CDH20: variants seen among roughly 807,000 people sequenced by gnomAD.
The protein encoded by CDH20 is cadherin-20.
Under a neutral mutation model 74.2 loss-of-function variants are expected in CDH20, and 29 were observed. The ratio of observed to expected loss-of-function variants is 0.39; its 90% confidence interval spans 0.29 to 0.53. The LOEUF (loss-of-function observed/expected upper bound fraction) is 0.53. Ranked by LOEUF, CDH20 falls within the 20% of genes least tolerant of loss-of-function variation. The pLI is 0.69. For missense variants in CDH20, 988 were observed against 1,048.3 expected, an observed-to-expected ratio of 0.94 and a Z score of 0.79; for synonymous variants, 469 against 405.4, an observed-to-expected ratio of 1.16 and a Z score of -1.88.
chr18:61,429,924 C>T (rs1913197480), intron 1 of CDH20, among the ~76,000 whole-genome samples: 1 of 152,178 alleles, frequency 6.6e-6, no homozygotes, highest in Non-Finnish European at 1.5e-5. Context: ...CTGTAAGCAT[C>T]CTGACACTTT....
intron 1 of CDH20, among the ~76,000 whole-genome samples, chr18:61,368,307 C>T (rs2144149555): frequency 6.6e-6 from 1 of 151,992 alleles, no homozygotes; most frequent in African/African-American, 2.4e-5. Context: ...ACTGATCATA[C>T]TCACTGTCTC....
chr18:61,400,067 G>T (rs950778421), intron 1 of CDH20, among the ~76,000 whole-genome samples: 1 of 152,148 alleles, frequency 6.6e-6, no homozygotes, highest in Non-Finnish European at 1.5e-5. Context: ...AAAAGTCTTT[G>T]TTGGTCTTAA....
At chr18:61,449,763 A>C (rs192299101) in intron 1 of CDH20, among the ~76,000 whole-genome samples, 2 of 150,644 alleles carry the variant, frequency 1.3e-5, no homozygotes, top group Non-Finnish European at 3.0e-5. Flanking sequence ...AATAGAAAAA[A>C]ATATATATAT....
Position 61,507,431 on chromosome 18 carries a change from G to A in CDH20, c.888G>A (p.Val296=). The part of the protein sequence containing the change: ...SAPISSTVGR[V]FAKDLDEGIN... ...CAATTAGCTCCACTGTCGGGAGAGT[G>A]TTTGCCAAGGACTTGGATGAAGGCA... Residue 296 remains valine, a synonymous_variant, in exon 6 of 12, where the codon GTG becomes GTA. Transcript: ENST00000262717. 6.2e-7 allele frequency: 1 copy of A among 1,614,098 alleles called. No homozygotes were observed. Among genetic ancestry groups the A allele is most frequent in the South Asian group, 1.1e-5 (1 of 91,078 alleles).
intron 1 of CDH20, among the ~76,000 whole-genome samples, chr18:61,472,303 C>T (rs922365738): frequency 2.0e-5 from 3 of 152,010 alleles, no homozygotes; most frequent in African/African-American, 2.4e-5. Context: ...CCCCGAGAGA[C>T]GTGCTCAAAC....
chr18:61,534,492 C>T (rs1295922571), intron 7 of CDH20, among the ~76,000 whole-genome samples: 2 of 152,200 alleles, frequency 1.3e-5, no homozygotes, highest in African/African-American at 4.8e-5. Context: ...TGCCCATCAA[C>T]AGATGAATGG....
intron 1 of CDH20, among the ~76,000 whole-genome samples, chr18:61,360,680 C>T (rs532145635): frequency 2.0e-5 from 3 of 152,274 alleles, no homozygotes; most frequent in African/African-American, 7.2e-5. Context: ...CAATAATTTA[C>T]CTGGTAACTA....
At chr18:61,349,450 G>A (rs775471197) in intron 1 of CDH20, among the ~76,000 whole-genome samples, 58 of 152,254 alleles carry the variant, frequency 3.8e-4, no homozygotes, top group Non-Finnish European at 4.6e-4. Flanking sequence ...TAATTTAGAA[G>A]GAATTTAAGT....
At chr18:61,458,117 T>G (rs1429415559) in intron 1 of CDH20, among the ~76,000 whole-genome samples, 2 of 152,206 alleles carry the variant, frequency 1.3e-5, no homozygotes, top group African/African-American at 4.8e-5. Flanking sequence ...GTTGTCTGCC[T>G]GAGTCTTGCT....
intron 7 of CDH20, among the ~76,000 whole-genome samples, chr18:61,530,511 C>CA (rs1254362758): frequency 2.6e-5 from 4 of 151,906 alleles, no homozygotes; most frequent in Non-Finnish European, 5.9e-5. Context: ...TCAAATAATT[C>CA]AAAAAATCAA....
intron 1 of CDH20, among the ~76,000 whole-genome samples, chr18:61,400,016 C>T (rs1682867252): frequency 6.6e-6 from 1 of 152,140 alleles, no homozygotes; most frequent in South Asian, 2.1e-4. Flanking sequence ...TTCTTTTCCT[C>T]CTTACCTTAG....
intron 1 of CDH20, among the ~76,000 whole-genome samples, chr18:61,409,184 T>C (rs575757526): frequency 6.6e-6 from 1 of 152,348 alleles, no homozygotes; most frequent in African/African-American, 2.4e-5. Context: ...AGAAATGTTT[T>C]CATTAATACA....
At chr18:61,522,748 A>G (rs1341500166) in intron 6 of CDH20, among the ~76,000 whole-genome samples, 1 of 152,218 alleles carries the variant, frequency 6.6e-6, no homozygotes, top group Non-Finnish European at 1.5e-5. Context: ...CAGAAGCCTC[A>G]GAAGTAATGC....
At chr18:61,491,179 G>T (rs532200692) in intron 2 of CDH20, among the ~76,000 whole-genome samples, 34 of 152,090 alleles carry the variant, frequency 2.2e-4, no homozygotes, top group African/African-American at 6.7e-4. Flanking sequence ...TTTTTGTGGG[G>T]TTTTTTTCAG....
At chr18:61,545,884 T>G (rs936853384) in intron 10 of CDH20, among the ~76,000 whole-genome samples, 9 of 152,264 alleles carry the variant, frequency 5.9e-5, no homozygotes, top group African/African-American at 2.2e-4. Flanking sequence ...ATAGCTTTGA[T>G]GGAACAGAAT....
intron 1 of CDH20, among the ~76,000 whole-genome samples, chr18:61,377,542 G>A (rs781455395): frequency 2.0e-5 from 3 of 150,720 alleles, no homozygotes; most frequent in East Asian, 2.0e-4. Context: ...TTACTTGGCC[G>A]CATTGTTAAG....
intron 1 of CDH20, among the ~76,000 whole-genome samples, chr18:61,432,326 T>G (rs73447321): frequency 0.015 from 2,351 of 151,892 alleles, 61 homozygotes; most frequent in African/African-American, 0.053. Context: ...CAGCATGCTT[T>G]TCGTCTGTTC....
intron 7 of CDH20, among the ~76,000 whole-genome samples, chr18:61,533,814 G>C (rs778810790): frequency 6.6e-6 from 1 of 152,166 alleles, no homozygotes; most frequent in Non-Finnish European, 1.5e-5. Context: ...GGTCAGATAA[G>C]GGTCCATTTC....
chr18:61,347,319 TACACACACACACACACACACACAC>T (rs33985303), intron 1 of CDH20, among the ~76,000 whole-genome samples: 7 of 77,412 alleles, frequency 9.0e-5, no homozygotes, highest in African/African-American at 3.5e-4. Flanking sequence ...TATATATATA[TACACACACACACACACACACACAC>T]ACACACACAT....
Sources: gnomAD v4.1 joint callset for allele counts (sites outside exome capture counted in the v4.1 genomes callset) on GRCh38, gnomAD v4.1.1 for gene constraint, MANE v1.5 for transcripts, NCBI Gene and HGNC (gene_info 2026-07-23, HGNC 2026-07-21) for gene names.